Variants in ARHGEF10 observed in about 807,000 individuals in gnomAD.
ARHGEF10 encodes Rho guanine nucleotide exchange factor 10.
In ARHGEF10, 140 loss-of-function variants were observed where a neutral mutation model predicts 147.4. That is an observed-to-expected ratio of 0.95 (90% CI 0.83 to 1.09). ARHGEF10 has a LOEUF of 1.09. Ranked by LOEUF, ARHGEF10 falls within the 50% of genes least tolerant of loss-of-function variation. The pLI is 0.00. For missense variants in ARHGEF10, 2,222 were observed against 1,752.7 expected (o/e 1.27, Z -4.78); for synonymous variants, 902 against 695.8 (o/e 1.30, Z -4.67).
At chr8:1,881,077 C>T (rs939468329) in intron 9 of ARHGEF10, among the ~76,000 whole-genome samples, 15 of 152,070 alleles carry the variant, frequency 9.9e-5, no homozygotes, top group African/African-American at 3.4e-4. Context: ...GTGTGAGCTA[C>T]ATTTGGAGGT....
intron 27 of ARHGEF10, among the ~76,000 whole-genome samples, chr8:1,946,289 G>A (rs1294076877): frequency 6.6e-6 from 1 of 152,226 alleles, no homozygotes; most frequent in Non-Finnish European, 1.5e-5. Flanking sequence ...GGTGGGTATT[G>A]GAAGACATTT....
chr8:1,928,975 A>G (rs1352883311), intron 24 of ARHGEF10, among the ~76,000 whole-genome samples: 1 of 152,232 alleles, frequency 6.6e-6, no homozygotes, highest in Non-Finnish European at 1.5e-5. Context: ...TAAAACAGCC[A>G]TATTCTATGT....
At position 1,957,382 on chromosome 8, in the gene ARHGEF10, T is replaced by C. The variant is rs1401658301; in HGVS notation, c.*119T>C. The stretch of plus-strand genomic sequence containing the variant: ...GTTGGGAATAAATTAAAAACAGTAT[T>C]TGGGGGAGAAACGTGCAATAGCGTA... On this transcript the variant is annotated 3_prime_UTR_variant, in exon 29 of 29. Coordinates refer to ENST00000349830, the MANE Select transcript of ARHGEF10 (RefSeq NM_014629.4). The C allele has an allele frequency of 1.4e-6, 2 of 1,423,528 alleles. No homozygotes were observed. The highest frequency in any genetic ancestry group is 2.8e-5 in the African/African-American group (2 of 70,666). The allele number at this position is 1,423,528 out of a possible 1,614,324, so 88.2% of individuals were successfully genotyped here.
chr8:1,833,221 G>A (rs1209069633), intron 1 of ARHGEF10, among the ~76,000 whole-genome samples: 1 of 147,586 alleles, frequency 6.8e-6, no homozygotes, highest in Non-Finnish European at 1.5e-5. Context: ...GGCAGAAGCA[G>A]AGGGATGCAG....
chr8:1,857,827 C>T (rs1379962317), intron 2 of ARHGEF10, 133 bp from the exon 3 acceptor site: 4 of 809,106 alleles, frequency 4.9e-6, no homozygotes, highest in Non-Finnish European at 8.2e-6. Flanking sequence ...ACTACAAGCG[C>T]AGTACAGCAC....
rs1189121896 is a variant in ARHGEF10 at position 1,948,873 on chromosome 8, G to A, written c.3397+3218G>A. Among the ~76,000 whole-genome samples the A allele has an allele frequency of 6.6e-6, 1 of 152,254 alleles. No individual in the cohort carries two copies. The highest frequency in any genetic ancestry group is 3.4e-3 in the Middle Eastern group (1 of 294). On this transcript the variant is annotated intron_variant, in intron 27 of 28. Transcript: ENST00000349830. This position sits in a 1 kb window ranked among gnomAD's most constrained non-coding sequence, Gnocchi z 4.9. Reference sequence around the variant, plus strand: ...GAAGTGCGCGGATGCTGAGGTCGCCGGGCCGTCACTGCTCCTGGGTTCTTC... The same window carrying A: ...GAAGTGCGCGGATGCTGAGGTCGCCAGGCCGTCACTGCTCCTGGGTTCTTC...
At chr8:1,867,626 C>T (rs541937993) in intron 6 of ARHGEF10, among the ~76,000 whole-genome samples, 30 of 152,180 alleles carry the variant, frequency 2.0e-4, no homozygotes, top group Admixed American at 5.2e-4. Context: ...CTGAGCCAGC[C>T]CCCCTCCAGG....
At chr8:1,840,385 G>A (rs1585227628) in intron 1 of ARHGEF10, among the ~76,000 whole-genome samples, 3 of 133,632 alleles carry the variant, frequency 2.2e-5, no homozygotes, top group Non-Finnish European at 3.2e-5. Context: ...GGACTGTCTG[G>A]TGTGGAAGCT....
intron 18 of ARHGEF10, among the ~76,000 whole-genome samples, chr8:1,921,328 T>C (rs1221645164): frequency 6.6e-6 from 1 of 152,248 alleles, no homozygotes; most frequent in Non-Finnish European, 1.5e-5. Flanking sequence ...TTTTGACATA[T>C]ATATGTATTA....
rs1202108500 is a variant in ARHGEF10 at position 1,952,728 on chromosome 8, A to G, written c.3421A>G (p.Ser1141Gly). 7 of 1,613,234 alleles carry G rather than the reference A, an allele frequency of 4.3e-6. No individual in the cohort carries two copies. Among genetic ancestry groups the G allele is most frequent in the East Asian group, 2.2e-5 (1 of 44,866 alleles). The stretch of plus-strand genomic sequence containing the variant: ...AGGGCACCAGCGGCTGTCGGTGACG[A>G]GCCTGCTCGTCTGCCACGGATTGCT... ...LPGHQRLSVT[S>G]LLVCHGLLMV... Residue 1141 changes from serine to glycine, a missense_variant, in exon 28 of 29, where the codon AGC becomes GGC. Coordinates refer to ENST00000349830, the MANE Select transcript of ARHGEF10 (RefSeq NM_014629.4).
At chr8:1,923,220 C>A in intron 19 of ARHGEF10, 141 bp downstream of exon 19, 1 of 864,954 alleles carries the variant, frequency 1.2e-6, no homozygotes, top group Non-Finnish European at 1.8e-6. Context: ...TTTTCTCTTA[C>A]GTTAGATAAG....
At chr8:1,898,972 T>C (rs761969463) in intron 15 of ARHGEF10, among the ~76,000 whole-genome samples, 19 of 152,306 alleles carry the variant, frequency 1.2e-4, no homozygotes, top group Non-Finnish European at 2.5e-4. Context: ...AAGCTAAGAA[T>C]AGATTTAAAC....
At chr8:1,879,570 G>C (rs1014908846) in intron 8 of ARHGEF10, among the ~76,000 whole-genome samples, 10 of 119,572 alleles carry the variant, frequency 8.4e-5, no homozygotes, top group African/African-American at 3.1e-4. Context: ...TTTTTTTTTT[G>C]GAGACAGGGT....
At chr8:1,894,134 A>G (rs559293083) in intron 12 of ARHGEF10, among the ~76,000 whole-genome samples, 9 of 149,512 alleles carry the variant, frequency 6.0e-5, no homozygotes, top group Non-Finnish European at 1.2e-4. Flanking sequence ...AGATCATGCC[A>G]TTGCACTCTA....
At chr8:1,836,459 G>C (rs555692218) in intron 1 of ARHGEF10, among the ~76,000 whole-genome samples, 2 of 152,174 alleles carry the variant, frequency 1.3e-5, no homozygotes, top group African/African-American at 2.4e-5. Context: ...TGAGTCACCT[G>C]TGGGGAGTTG....
chr8:1,951,576 T>C (rs1250319433), intron 27 of ARHGEF10, among the ~76,000 whole-genome samples: 1 of 152,256 alleles, frequency 6.6e-6, no homozygotes, highest in African/African-American at 2.4e-5. Flanking sequence ...AGGTTGTTTT[T>C]CATGCTCTTT....
intron 1 of ARHGEF10, among the ~76,000 whole-genome samples, chr8:1,841,423 C>T (rs1050390473): frequency 1.3e-5 from 2 of 152,246 alleles, no homozygotes; most frequent in South Asian, 2.1e-4. Context: ...AGCTGTTTGT[C>T]AGGAATTCTC....
At chr8:1,904,670 A>G (rs1810739805) in intron 16 of ARHGEF10, among the ~76,000 whole-genome samples, 1 of 152,104 alleles carries the variant, frequency 6.6e-6, no homozygotes. Context: ...ACTGAATGTC[A>G]CCCACATGCC....
At chr8:1,954,566 T>G (rs1815326761) in intron 28 of ARHGEF10, among the ~76,000 whole-genome samples, 1 of 152,118 alleles carries the variant, frequency 6.6e-6, no homozygotes, top group African/African-American at 2.4e-5. Context: ...ACGCACAGTT[T>G]CACAGTTTAA....
Sources: allele counts gnomAD v4.1 joint callset (sites outside exome capture counted in the v4.1 genomes callset), GRCh38; gene constraint gnomAD v4.1.1; non-coding constraint Gnocchi (gnomAD v3.1); transcripts MANE v1.5; gene names NCBI Gene and HGNC (gene_info 2026-07-23, HGNC 2026-07-21).